CPSF3: variants seen among roughly 807,000 people sequenced by gnomAD.
The protein encoded by CPSF3 is cleavage and polyadenylation specificity factor subunit 3.
In CPSF3, 57 loss-of-function variants were observed where a neutral mutation model predicts 84.1. That is an observed-to-expected ratio of 0.68 (90% confidence interval 0.55 to 0.85). The LOEUF is 0.85. Ranked by LOEUF, CPSF3 falls within the 40% of genes least tolerant of loss-of-function variation. The pLI, the probability that CPSF3 is intolerant of heterozygous loss-of-function variation, is 0.00. For missense variants in CPSF3, 522 were observed against 838.8 expected (o/e 0.62, Z 4.66); for synonymous variants, 275 against 278.1 (o/e 0.99, Z 0.11).
chr2:9,428,709 T>C (rs1381562150), intron 1 of CPSF3, 56 bp from the exon 2 acceptor site: 5 of 1,225,736 alleles, frequency 4.1e-6, no homozygotes, highest in Non-Finnish European at 4.8e-6. Flanking sequence ...GTAAGTTTAT[T>C]GGACTTGGTT....
chr2:9,470,401 A>G (rs1387220686), intron 16 of CPSF3, among the ~76,000 whole-genome samples: 3 of 152,166 alleles, frequency 2.0e-5, no homozygotes, highest in African/African-American at 4.8e-5. Context: ...ACCATGGTCC[A>G]TGGGTTGTTT....
chr2:9,455,544 T>C (rs982266914), intron 12 of CPSF3, 115 bp from the exon 13 acceptor site: 3 of 713,198 alleles, frequency 4.2e-6, no homozygotes, highest in East Asian at 5.3e-5. Flanking sequence ...AGCATCTTGT[T>C]AGCTTTCTGA....
At chr2:9,444,866 A>G (rs991752929) in intron 10 of CPSF3, among the ~76,000 whole-genome samples, 1 of 151,858 alleles carries the variant, frequency 6.6e-6, no homozygotes, top group African/African-American at 2.4e-5. Context: ...GGTTTTCACC[A>G]TGTTGGCCAG....
At chr2:9,431,095 C>T (rs1452579219) in intron 4 of CPSF3, among the ~76,000 whole-genome samples, 1 of 152,202 alleles carries the variant, frequency 6.6e-6, no homozygotes, top group East Asian at 1.9e-4. Context: ...CTTGCTCTGT[C>T]ATCCAGGCTG....
intron 4 of CPSF3, among the ~76,000 whole-genome samples, chr2:9,431,275 A>AT (rs1242226240): frequency 6.6e-6 from 1 of 152,172 alleles, no homozygotes; most frequent in African/African-American, 2.4e-5. Context: ...GCTAGTCTCA[A>AT]ACTCCTGGGC....
Position 9,440,065 on chromosome 2 carries a change from G to C in CPSF3, c.761-426G>C, listed in dbSNP as rs184818801. Among the ~76,000 whole-genome samples, 721 of 152,024 alleles carry C rather than the reference G, an allele frequency of 4.7e-3. 2 individuals are homozygous for C. Among genetic ancestry groups the C allele is most frequent in the Middle Eastern group, 0.01 (3 of 294 alleles). ...GGTTAACTCTTGGCAATTCTCTTTT[G>C]TAATTAGCACTCAATAAATCTGTTT... On this transcript the variant is annotated intron_variant, in intron 7 of 17. Coordinates refer to ENST00000238112, the MANE Select transcript of CPSF3 (RefSeq NM_016207.4).
chr2:9,437,773 G>A (rs977224427), intron 7 of CPSF3, among the ~76,000 whole-genome samples: 2 of 152,168 alleles, frequency 1.3e-5, no homozygotes, highest in Non-Finnish European at 2.9e-5. Flanking sequence ...GGCTAAGGGC[G>A]GAAGATCACT....
In CPSF3 at chr2:9,456,933, G is replaced by A. The variant is rs752884178; in HGVS notation, c.1604G>A (p.Gly535Asp). The change falls in exon 14 of 18, where the codon GGT (glycine) becomes GAT (aspartate). Residue 535 changes from glycine to aspartate, a missense_variant and splice_region_variant. Gly to Asp is a moderately conservative substitution (Grantham distance 94, BLOSUM62 -1). This residue lies in a region of CPSF3 where 193 missense variants were observed against 231.6 expected (regional missense o/e 0.83). Coordinates refer to ENST00000238112, the MANE Select transcript of CPSF3 (RefSeq NM_016207.4). ...TCTTATAGTTATGTCTTTCTTTCAG[G>A]TGATGTGGAAGAATTAGAAATTCAA... Reference protein sequence around the residue: ...LLCYQLQKLTGDVEELEIQEK... With the variant: ...LLCYQLQKLTDDVEELEIQEK... 11 of 1,552,820 alleles carry A rather than the reference G, an allele frequency of 7.1e-6. No homozygotes were observed. The South Asian group carries it at 9.3e-5, about 13-fold the overall frequency.
rs776542675 is a variant in CPSF3 at position 9,455,653 on chromosome 2, C to T, written c.1505-6C>T. 5 of 1,605,736 alleles carry T rather than the reference C, an allele frequency of 3.1e-6. No homozygotes were observed. In the East Asian group the frequency reaches 8.9e-5, roughly 29 times the overall value. The stretch of plus-strand genomic sequence containing the variant: ...TTCTTCAAGTCTCTTCTCATTTTCT[C>T]TTCAGATTATACTGACCTGGCCATG... On this transcript the variant is annotated splice_polypyrimidine_tract_variant and splice_region_variant and intron_variant, in intron 12 of 17. Transcript: ENST00000238112.
chr2:9,437,956 T>G (rs1449528274), intron 7 of CPSF3, among the ~76,000 whole-genome samples: 1 of 152,218 alleles, frequency 6.6e-6, no homozygotes, highest in Non-Finnish European at 1.5e-5. Flanking sequence ...GAGCCAAGAT[T>G]GTGCCACTGC....
At chr2:9,471,228 A>C in intron 16 of CPSF3, 115 bp from the exon 17 acceptor site, 1 of 652,536 alleles carries the variant, frequency 1.5e-6, no homozygotes, top group South Asian at 1.8e-5. Context: ...AAAAAAAGAA[A>C]AAAAGTAAAT....
intron 16 of CPSF3, among the ~76,000 whole-genome samples, chr2:9,469,828 G>T (rs752025560): frequency 1.3e-5 from 2 of 152,218 alleles, no homozygotes; most frequent in African/African-American, 4.8e-5. Context: ...GATAGGAGTA[G>T]ATGTATTGGT....
At chr2:9,430,223 T>C (rs992860126) in intron 3 of CPSF3, among the ~76,000 whole-genome samples, 2 of 152,216 alleles carry the variant, frequency 1.3e-5, no homozygotes, top group Admixed American at 1.3e-4. Context: ...TACCTCTATG[T>C]ATAAGTTCAG....
At position 9,448,300 on chromosome 2, in the gene CPSF3, C is replaced by G; in HGVS notation, c.1345C>G (p.Arg449Gly). 6.2e-7 allele frequency: 1 copy of G among 1,613,318 alleles called. No individual in the cohort carries two copies. The highest frequency in any genetic ancestry group is 8.5e-7 in the Non-Finnish European group (1 of 1,179,584). ...DEVHIEVHNP[R>G]NTEAVTLNFR... ...AGTTCACATAGAGGTTCATAATCCT[C>G]GGAATACAGAAGCAGTGACCTTAAA... Residue 449 changes from arginine to glycine, a missense_variant, in exon 11 of 18, where the codon CGG (arginine) becomes GGG (glycine). Arg to Gly is a moderately radical substitution (Grantham distance 125, BLOSUM62 -2). This residue lies in a region of CPSF3 where 329 missense variants were observed against 607.2 expected (regional missense o/e 0.54). Coordinates refer to ENST00000238112, the MANE Select transcript of CPSF3 (RefSeq NM_016207.4).
chr2:9,449,594 T>A (rs1172906659), intron 11 of CPSF3, among the ~76,000 whole-genome samples: 1 of 151,960 alleles, frequency 6.6e-6, no homozygotes, highest in African/African-American at 2.4e-5. Flanking sequence ...ATACAAAAAT[T>A]AGCTGGGTGC....
At chr2:9,443,127 A>T (rs376763246) in intron 9 of CPSF3, among the ~76,000 whole-genome samples, 1 of 152,208 alleles carries the variant, frequency 6.6e-6, no homozygotes, top group African/African-American at 2.4e-5. Context: ...CGCACACTGC[A>T]TTTCAGCCTG....
At position 9,441,868 on chromosome 2, in the gene CPSF3, A is replaced by G; in HGVS notation, c.987A>G (p.Pro329=). 1 of 1,614,164 alleles carries G rather than the reference A, an allele frequency of 6.2e-7. No homozygotes were observed. The highest frequency in any genetic ancestry group is 8.5e-7 in the Non-Finnish European group (1 of 1,180,010). ...GTCCCAGTGTTGTAATGGCCTCCCC[A>G]GGCATGATGCAAAGTGGCTTATCCA... ...DIGPSVVMAS[P]GMMQSGLSRE... Residue 329 remains proline (P), a synonymous_variant, in exon 9 of 18, where the codon CCA becomes CCG. Transcript: ENST00000238112.
chr2:9,454,839 G>A (rs895646166), intron 12 of CPSF3, among the ~76,000 whole-genome samples: 2 of 151,776 alleles, frequency 1.3e-5, no homozygotes, highest in African/African-American at 4.8e-5. Flanking sequence ...CCACTGCGCC[G>A]GGCCCGAGCT....
chr2:9,447,305 C>T (rs56753567), intron 10 of CPSF3, among the ~76,000 whole-genome samples: 23,397 of 151,126 alleles, frequency 0.15, 2,066 homozygotes, highest in Middle Eastern at 0.29. Flanking sequence ...TATGTGAGAC[C>T]GTGTCTCTAC....
Sources: gnomAD v4.1 joint callset for allele counts (sites outside exome capture counted in the v4.1 genomes callset) on GRCh38, gnomAD v4.1.1 for gene constraint, gnomAD v4.1.1 regional missense constraint, MANE v1.5 for transcripts, NCBI Gene and HGNC (gene_info 2026-07-23, HGNC 2026-07-21) for gene names.